The following SENP2 variants were observed in gnomAD, a reference collection of about 807,000 sequenced individuals.
SENP2 encodes SUMO specific peptidase 2.
In SENP2, 16 loss-of-function variants were observed where a neutral mutation model predicts 86.3. The observed-to-expected ratio is 0.19, with a 90% confidence interval of 0.13 to 0.28. The LOEUF is 0.28. Ranked by LOEUF, SENP2 falls within the 10% of genes least tolerant of loss-of-function variation. The pLI is 1.00. For synonymous variants in SENP2, 222 were observed against 238.7 expected (o/e 0.93, Z 0.64); for missense variants, 552 against 703.0 (o/e 0.79, Z 2.43).
chr3:185,587,822 C>T (rs1021017844), intron 1 of SENP2, among the ~76,000 whole-genome samples: 32 of 149,302 alleles, frequency 2.1e-4, no homozygotes, highest in African/African-American at 7.4e-4. Context: ...GCAACCTCTG[C>T]CCACTGGGTT....
intron 5 of SENP2, 129 bp downstream of exon 5, chr3:185,600,984 G>T: frequency 1.7e-6 from 1 of 590,050 alleles, no homozygotes; most frequent in Non-Finnish European, 3.1e-6. Context: ...CTTGCTGAAT[G>T]TCATGCAGCC....
At chr3:185,621,690 T>C (rs1044189391) in intron 13 of SENP2, 136 bp from the exon 14 acceptor site, 1 of 519,236 alleles carries the variant, frequency 1.9e-6, no homozygotes, top group African/African-American at 2.0e-5. Context: ...GCATGGCCCA[T>C]AAATGGATTT....
chr3:185,610,409 G>T (rs7644758), intron 7 of SENP2, among the ~76,000 whole-genome samples: 93,993 of 151,834 alleles, frequency 0.62, 29,306 homozygotes, highest in East Asian at 0.69. Flanking sequence ...TAGTCCACCA[G>T]CCTCAGCCTC....
In SENP2 at chr3:185,591,185, G is replaced by A. The variant is rs146614483; in HGVS notation, c.157+1016G>A. On this transcript the variant is annotated intron_variant, in intron 2 of 16. Transcript: ENST00000296257. Reference sequence around the variant, plus strand: ...CTCCCAAAGTGCTGGGGTTACAGGCGTGAGCCACCGCACCCAACCCAAGAA... The same window carrying A: ...CTCCCAAAGTGCTGGGGTTACAGGCATGAGCCACCGCACCCAACCCAAGAA... Among the ~76,000 whole-genome samples, 478 of 151,532 alleles carry A rather than the reference G, an allele frequency of 3.2e-3. 3 individuals are homozygous for A. The highest frequency in any genetic ancestry group is 0.011 in the African/African-American group (455 of 41,356).
At chr3:185,607,557 C>T (rs533097083) in intron 6 of SENP2, among the ~76,000 whole-genome samples, 3 of 151,942 alleles carry the variant, frequency 2.0e-5, no homozygotes, top group South Asian at 4.2e-4. Flanking sequence ...CTCAAACTCC[C>T]GACCTCAGGT....
rs751142488 is a variant in SENP2 at position 185,606,301 on chromosome 3, CT to C, written c.450-22del. On this transcript the variant is annotated intron_variant, in intron 5 of 16. Coordinates refer to ENST00000296257, the MANE Select transcript of SENP2 (RefSeq NM_021627.3). ...CAGCAATTTAAGCAGCTTGGTGATA[CT>C]TTTTTTCTTTTTTTTTCTGTTGCTC... 1.1e-5 allele frequency: 17 copies of C among 1,568,524 alleles called. No individual in the cohort carries two copies. The East Asian group carries it at 1.8e-4, about 17-fold the overall frequency.
chr3:185,622,413 C>T (rs758937970), intron 14 of SENP2, among the ~76,000 whole-genome samples: 1 of 152,142 alleles, frequency 6.6e-6, no homozygotes, highest in Non-Finnish European at 1.5e-5. Context: ...AGTGAGAAAA[C>T]GCATCAGTAA....
chr3:185,608,899 G>C (rs537971963), intron 6 of SENP2: 2 of 166,170 alleles, frequency 1.2e-5, no homozygotes, highest in African/African-American at 4.8e-5. Flanking sequence ...GTATATTCTC[G>C]TTATGCAAGC....
At chr3:185,601,694 G>A (rs1722352494) in intron 5 of SENP2, among the ~76,000 whole-genome samples, 1 of 146,558 alleles carries the variant, frequency 6.8e-6, no homozygotes, top group African/African-American at 2.5e-5. Flanking sequence ...AGGCAGTTTG[G>A]TGGCACAGTC....
Position 185,624,060 on chromosome 3 carries a change from C to A in SENP2, c.1589C>A (p.Thr530Asn), listed in dbSNP as rs944044246. Reference protein sequence around the residue: ...RNSDLNLLEWTHHSMKPHEIP... With the variant: ...RNSDLNLLEWNHHSMKPHEIP... Reference sequence around the variant, plus strand: ...AGTGATCTGAATCTTTTAGAGTGGACCCATCACAGCATGAAACCACACGTG... The same window carrying A: ...AGTGATCTGAATCTTTTAGAGTGGAACCATCACAGCATGAAACCACACGTG... The change falls in exon 15 of 17, where the codon ACC becomes AAC. Residue 530 changes from threonine (T) to asparagine (N), a missense_variant. By Grantham distance (65) the Thr-to-Asn change is moderately conservative (BLOSUM62 0). Transcript: ENST00000296257. 2 of 1,611,598 alleles carry A rather than the reference C, an allele frequency of 1.2e-6. No homozygotes were observed. The highest frequency in any genetic ancestry group is 8.5e-7 in the Non-Finnish European group (1 of 1,178,500).
chr3:185,594,522 G>A (rs1423197490), intron 2 of SENP2, among the ~76,000 whole-genome samples: 2 of 151,850 alleles, frequency 1.3e-5, no homozygotes, highest in Non-Finnish European at 2.9e-5. Flanking sequence ...TAGCTACTGT[G>A]TTGGACAGTA....
chr3:185,590,734 G>A lies in SENP2; in HGVS notation c.157+565G>A, dbSNP rs1456134976. ...TTAAAAAATTAGCCAAGTGGTGCAC[G>A]CCTATAGTCACAGCTACTCGGGAGG... On this transcript the variant is annotated intron_variant, in intron 2 of 16. Transcript: ENST00000296257. Among the ~76,000 whole-genome samples, 14 of 147,362 alleles carry A rather than the reference G, an allele frequency of 9.5e-5. 1 individual carries two copies. Among genetic ancestry groups the A allele is most frequent in the Admixed American group, 8.2e-4 (12 of 14,706 alleles).
intron 16 of SENP2, among the ~76,000 whole-genome samples, chr3:185,629,514 G>T (rs1268408876): frequency 6.6e-6 from 1 of 151,182 alleles, no homozygotes; most frequent in Non-Finnish European, 1.5e-5. Context: ...GGAGGCAGAG[G>T]TTGCAGTGAG....
chr3:185,623,219 G>A (rs545846382), intron 14 of SENP2, among the ~76,000 whole-genome samples: 3 of 136,980 alleles, frequency 2.2e-5, no homozygotes, highest in Admixed American at 1.4e-4. Context: ...TCGGCTCACC[G>A]CAACCTCTGT....
intron 12 of SENP2, 123 bp from the exon 13 acceptor site, chr3:185,619,176 T>A: frequency 2.8e-6 from 2 of 702,536 alleles, no homozygotes; most frequent in Admixed American, 2.6e-5. Flanking sequence ...TCTTCTACTA[T>A]AGACAGTCTT....
At chr3:185,596,821 C>T (rs74496415) in intron 2 of SENP2, among the ~76,000 whole-genome samples, 22,587 of 151,920 alleles carry the variant, frequency 0.15, 1,965 homozygotes, top group Middle Eastern at 0.25. Context: ...TAATCATGCC[C>T]TCACCTCTGT....
intron 2 of SENP2, among the ~76,000 whole-genome samples, chr3:185,595,827 A>C (rs1577719986): frequency 7.7e-6 from 1 of 129,948 alleles, no homozygotes; most frequent in Non-Finnish European, 1.6e-5. Context: ...TTGAGACAGG[A>C]TCTCCCTCTG....
intron 1 of SENP2, among the ~76,000 whole-genome samples, chr3:185,588,529 A>ATTTCTT (rs1721876458): frequency 6.6e-6 from 1 of 152,196 alleles, no homozygotes; most frequent in South Asian, 2.1e-4. Context: ...AATATCAAGA[A>ATTTCTT]AAGTGGAAGA....
At chr3:185,628,128 G>A (rs891558008) in intron 16 of SENP2, among the ~76,000 whole-genome samples, 16 of 151,798 alleles carry the variant, frequency 1.1e-4, no homozygotes, top group African/African-American at 3.9e-4. Flanking sequence ...GACATCACTA[G>A]TTTATTATTA....
Sources: allele counts gnomAD v4.1 joint callset (sites outside exome capture counted in the v4.1 genomes callset), GRCh38; gene constraint gnomAD v4.1.1; transcripts MANE v1.5; gene names NCBI Gene and HGNC (gene_info 2026-07-23, HGNC 2026-07-21).